GLIS3: variants seen among roughly 807,000 people sequenced by gnomAD.
GLIS3 encodes GLIS family zinc finger 3.
In GLIS3, 53 loss-of-function variants were observed where a neutral mutation model predicts 78.6. The ratio of observed to expected loss-of-function variants is 0.67; its 90% CI spans 0.54 to 0.85. The LOEUF (loss-of-function observed/expected upper bound fraction) is 0.85, where lower values mean the gene tolerates loss of function less well. Among genes scored for constraint, GLIS3 ranks in the 40% least tolerant of loss-of-function variants. GLIS3 has a pLI of 0.00. For synonymous variants in GLIS3, 684 were observed against 509.9 expected (o/e 1.34, Z -4.60); for missense variants, 1,703 against 1,231.1 (o/e 1.38, Z -5.74).
At chr9:4,162,923 G>A (rs1222228634) in intron 2 of GLIS3, among the ~76,000 whole-genome samples, 2 of 126,606 alleles carry the variant, frequency 1.6e-5, no homozygotes, top group African/African-American at 2.6e-5. Flanking sequence ...TACCTACACA[G>A]CCACCTCTTC....
Position 3,826,043 on chromosome 9 carries a change from GGAGGTGATGTCCATGGTTTCTAAAGTT to G in GLIS3, c.*2202_*2228del, listed in dbSNP as rs1311827219. The stretch of plus-strand genomic sequence containing the variant: ...TTCACAAGCAGCTCCTCTCAAAGAG[GGAGGTGATGTCCATGGTTTCTAAAGTT>G]GAGCTTCTGTCTTGTCCTCCTTCCC... On this transcript the variant is annotated 3_prime_UTR_variant, in exon 11 of 11. Transcript: ENST00000381971. 3 of 152,168 alleles carry G rather than the reference GGAGGTGATGTCCATGGTTTCTAAAGTT, an allele frequency of 2.0e-5. No homozygotes were observed. Among genetic ancestry groups the G allele is most frequent in the Non-Finnish European group, 4.4e-5 (3 of 68,042 alleles). The allele number at this position is 152,168 out of a possible 1,614,324, so 9.4% of individuals were successfully genotyped here.
the GLIS3 span, among the ~76,000 whole-genome samples, chr9:4,490,223 G>C: frequency 6.6e-6 from 1 of 152,278 alleles, no homozygotes; most frequent in African/African-American, 2.4e-5. Flanking sequence ...CATGAGTGAG[G>C]CGTGGAAAGC....
chr9:4,133,870 A>C (rs1262429179), intron 2 of GLIS3, among the ~76,000 whole-genome samples: 4 of 110,506 alleles, frequency 3.6e-5, no homozygotes, highest in African/African-American at 1.4e-4. Context: ...ACACACACAC[A>C]CACACCGTAC....
chr9:3,855,916 G>C (rs1324064851), intron 9 of GLIS3, 93 bp downstream of exon 9: 2 of 1,342,660 alleles, frequency 1.5e-6, no homozygotes, highest in African/African-American at 1.4e-5. Flanking sequence ...GTGTAGAACA[G>C]AGCATCTGAA....
At chr9:3,964,245 T>A (rs557915837) in intron 4 of GLIS3, among the ~76,000 whole-genome samples, 1 of 152,358 alleles carries the variant, frequency 6.6e-6, no homozygotes, top group Admixed American at 6.5e-5. Context: ...GACAGAAAGA[T>A]AAATCTGAAG....
In GLIS3 at chr9:3,971,118, CGAAG is replaced by C. The variant is rs1232662189; in HGVS notation, c.1711-33933_1711-33930del. Among the ~76,000 whole-genome samples, 282 of 86,802 alleles carry C rather than the reference CGAAG, an allele frequency of 3.2e-3. 1 individual carries two copies. Among genetic ancestry groups the C allele is most frequent in the African/African-American group, 0.011 (258 of 24,406 alleles). 56.9% of individuals were successfully genotyped at this position (86,802 alleles called of 152,430 possible). ...TAGATCGAAGGAAGGAAGGAAGGAT[CGAAG>C]GAAGGAAGGAAGGAAGGGAGCCTTA... On this transcript the variant is annotated intron_variant, in intron 4 of 10. Transcript: ENST00000381971.
chr9:4,340,361 A>T (rs1817816921), intron 2 of GLIS3, among the ~76,000 whole-genome samples: 2 of 149,586 alleles, frequency 1.3e-5, no homozygotes, highest in Non-Finnish European at 3.0e-5. Flanking sequence ...TTTTGAGCTG[A>T]ATAGAAGTGA....
chr9:3,892,631 A>G (rs568881483), intron 7 of GLIS3, among the ~76,000 whole-genome samples: 3 of 152,278 alleles, frequency 2.0e-5, no homozygotes, highest in South Asian at 4.1e-4. Context: ...TATAAAAAAG[A>G]TGAAATTTCA....
At chr9:4,482,138 C>T in the GLIS3 span, among the ~76,000 whole-genome samples, 1 of 152,146 alleles carries the variant, frequency 6.6e-6, no homozygotes, top group Admixed American at 6.5e-5. Flanking sequence ...ATTACTTGGT[C>T]AAGGACATAC....
chr9:3,915,445 T>C (rs1425216616), intron 6 of GLIS3, among the ~76,000 whole-genome samples: 1 of 152,028 alleles, frequency 6.6e-6, no homozygotes, highest in Non-Finnish European at 1.5e-5. Context: ...TCTGACAGAA[T>C]GGGGAGAAAC....
At chr9:4,330,561 A>G (rs753377279) in intron 2 of GLIS3, among the ~76,000 whole-genome samples, 23 of 151,844 alleles carry the variant, frequency 1.5e-4, no homozygotes, top group Non-Finnish European at 2.9e-4. Context: ...GAAGGTTGAG[A>G]TGGAGATGAA....
chr9:3,932,324 G>A, intron 6 of GLIS3, 36 bp downstream of exon 6: 1 of 1,485,078 alleles, frequency 6.7e-7, no homozygotes, highest in South Asian at 1.1e-5. Flanking sequence ...ATCTGAACAT[G>A]CTTTTCCCGA....
intron 4 of GLIS3, among the ~76,000 whole-genome samples, chr9:4,050,630 C>T (rs10814822): frequency 0.18 from 27,625 of 151,972 alleles, 3,237 homozygotes; most frequent in East Asian, 0.4. Context: ...AAAAATCTTC[C>T]GAGGAATGTT....
chr9:4,425,514 A>C, the GLIS3 span, among the ~76,000 whole-genome samples: 1 of 152,210 alleles, frequency 6.6e-6, no homozygotes, highest in Non-Finnish European at 1.5e-5. Context: ...AAGGAAATGA[A>C]GGATTTTCTC....
intron 4 of GLIS3, among the ~76,000 whole-genome samples, chr9:4,074,530 A>G (rs945953096): frequency 1.3e-5 from 2 of 152,058 alleles, no homozygotes; most frequent in Non-Finnish European, 2.9e-5. Flanking sequence ...TTCCTCCCTC[A>G]TCAGATATAA....
At chr9:4,130,524 A>T (rs142663474) in intron 2 of GLIS3, among the ~76,000 whole-genome samples, 260 of 152,358 alleles carry the variant, frequency 1.7e-3, no homozygotes, top group Non-Finnish European at 3.4e-3. Context: ...GTCTTGGCTC[A>T]AAGGGGCCCA....
chr9:3,856,326 A>G, intron 8 of GLIS3, 142 bp from the exon 9 acceptor site: 3 of 745,306 alleles, frequency 4.0e-6, no homozygotes, highest in African/African-American at 1.7e-5. Context: ...ATCTTTCAGG[A>G]TTTTTCTCTA....
At position 3,898,710 on chromosome 9, in the gene GLIS3, G is replaced by A. The variant is rs370792971; in HGVS notation, c.2109C>T (p.Pro703=). ...AEGTVGRSPG[P]GPDLYSAPIF... ...CTTTACCTGAATAGAGGTCAGGCCC[G>A]GGTCCAGGGGAGCGTCCCACGGTCC... The change falls in exon 7 of 11, where the codon CCC becomes CCT. Residue 703 remains proline (P), a synonymous_variant. Transcript: ENST00000381971. The A allele has an allele frequency of 2.3e-5, 37 of 1,614,012 alleles. No homozygotes were observed. The highest frequency in any genetic ancestry group is 5.3e-5 in the African/African-American group (4 of 74,910).
At chr9:4,461,857 C>G in the GLIS3 span, among the ~76,000 whole-genome samples, 101 of 152,230 alleles carry the variant, frequency 6.6e-4, no homozygotes, top group African/African-American at 2.3e-3. Flanking sequence ...AGTTTGTTGT[C>G]GTCAAGCTCT....
Sources: gnomAD v4.1 joint callset for allele counts (sites outside exome capture counted in the v4.1 genomes callset) on GRCh38, gnomAD v4.1.1 for gene constraint, MANE v1.5 for transcripts, NCBI Gene and HGNC (gene_info 2026-07-23, HGNC 2026-07-21) for gene names.